The following MYBPC1 variants were observed in gnomAD, a reference collection of about 807,000 sequenced individuals.
MYBPC1 encodes myosin binding protein C1, also known as myosin-binding protein C, slow-type.
Under a neutral mutation model 147.1 loss-of-function variants are expected in MYBPC1, and 52 were observed. The ratio of observed to expected loss-of-function variants is 0.35; its 90% CI spans 0.28 to 0.45. The LOEUF (loss-of-function observed/expected upper bound fraction) is 0.45, where lower values mean the gene tolerates loss of function less well. MYBPC1 is among the 20% of genes least tolerant of loss of function. The pLI is 1.00. For missense variants in MYBPC1, 1,228 were observed against 1,440.3 expected, an observed-to-expected ratio of 0.85 and a Z score of 2.39; for synonymous variants, 477 against 475.9, an observed-to-expected ratio of 1.00 and a Z score of -0.03.
At chr12:101,645,400 G>A (rs1593864658) in intron 12 of MYBPC1, among the ~76,000 whole-genome samples, 1 of 152,330 alleles carries the variant, frequency 6.6e-6, no homozygotes, top group South Asian at 2.1e-4. Flanking sequence ...GGTATCTCCA[G>A]TCTATTATAA....
At chr12:101,676,547 G>A (rs1900031706) in intron 26 of MYBPC1, among the ~76,000 whole-genome samples, 1 of 152,136 alleles carries the variant, frequency 6.6e-6, no homozygotes, top group Non-Finnish European at 1.5e-5. Flanking sequence ...TTGAGCCCAG[G>A]AGTTTGAGAC....
chr12:101,633,996 A>C (rs1040289470), intron 8 of MYBPC1, among the ~76,000 whole-genome samples: 2 of 150,996 alleles, frequency 1.3e-5, no homozygotes, highest in South Asian at 2.1e-4. Context: ...TCCCGGGTTC[A>C]CGCCATTCTC....
intron 3 of MYBPC1, among the ~76,000 whole-genome samples, chr12:101,625,533 C>A (rs1888389652): frequency 6.6e-6 from 1 of 152,202 alleles, no homozygotes; most frequent in East Asian, 1.9e-4. Context: ...ACACCAGCAT[C>A]ATCTGTTACT....
At chr12:101,612,357 C>T (rs944531575) in intron 1 of MYBPC1, among the ~76,000 whole-genome samples, 1 of 152,076 alleles carries the variant, frequency 6.6e-6, no homozygotes. Flanking sequence ...GGATTCAGAC[C>T]TAAGTCTGAC....
chr12:101,595,753 A>G (rs1209839290), intron 1 of MYBPC1, among the ~76,000 whole-genome samples: 1 of 152,138 alleles, frequency 6.6e-6, no homozygotes, highest in African/African-American at 2.4e-5. Context: ...ATTTCATAAT[A>G]TGTAGTAGGC....
At chr12:101,639,968 G>A (rs1430266374) in intron 10 of MYBPC1, among the ~76,000 whole-genome samples, 1 of 152,006 alleles carries the variant, frequency 6.6e-6, no homozygotes, top group Non-Finnish European at 1.5e-5. Context: ...TCTAGATTGA[G>A]GGAACACCCC....
At chr12:101,646,573 A>T in intron 12 of MYBPC1, 190 bp from the exon 13 acceptor site, 1 of 620,602 alleles carries the variant, frequency 1.6e-6, no homozygotes, top group Non-Finnish European at 2.8e-6. Flanking sequence ...CAGGAGGTCG[A>T]GGCTCCAATT....
intron 1 of MYBPC1, among the ~76,000 whole-genome samples, chr12:101,608,333 T>G (rs779242440): frequency 6.6e-6 from 1 of 152,254 alleles, no homozygotes; most frequent in Non-Finnish European, 1.5e-5. Flanking sequence ...AAAAGTATCC[T>G]TGTTTTTCCT....
At chr12:101,636,794 G>A in intron 10 of MYBPC1, 66 bp downstream of exon 10, 1 of 1,364,466 alleles carries the variant, frequency 7.3e-7, no homozygotes, top group Non-Finnish European at 1.0e-6. Context: ...ACTCAGAGAA[G>A]TCAAGTTTAA....
intron 18 of MYBPC1, among the ~76,000 whole-genome samples, chr12:101,654,664 T>C (rs1189307778): frequency 6.6e-6 from 1 of 152,118 alleles, no homozygotes; most frequent in East Asian, 1.9e-4. Flanking sequence ...TCAGTGCACA[T>C]TTATGAGGAA....
intron 16 of MYBPC1, 132 bp from the exon 17 acceptor site, chr12:101,652,546 T>TCTC: frequency 1.7e-6 from 1 of 573,288 alleles, no homozygotes; most frequent in Non-Finnish European, 3.3e-6. Context: ...CTCTCTCTCT[T>TCTC]TCTCTCTCTC....
At chr12:101,677,014 A>T (rs1900153253) in intron 26 of MYBPC1, among the ~76,000 whole-genome samples, 1 of 152,266 alleles carries the variant, frequency 6.6e-6, no homozygotes, top group South Asian at 2.1e-4. Flanking sequence ...AATGAAGATT[A>T]AATTACATAG....
chr12:101,599,646 T>C (rs1879010433), intron 1 of MYBPC1, among the ~76,000 whole-genome samples: 1 of 152,146 alleles, frequency 6.6e-6, no homozygotes, highest in South Asian at 2.1e-4. Context: ...TTACCTCAAA[T>C]TGGGGAAAGG....
intron 1 of MYBPC1, among the ~76,000 whole-genome samples, chr12:101,601,635 G>A (rs1396535253): frequency 6.6e-6 from 1 of 152,042 alleles, no homozygotes; most frequent in East Asian, 1.9e-4. Flanking sequence ...ACTCCCTTAG[G>A]AATCCTTTTT....
chr12:101,661,243 C>T lies in MYBPC1; in HGVS notation c.2013C>T (p.Asp671=), dbSNP rs149779416. Residue 671 remains aspartate (D), a synonymous_variant, in exon 20 of 32, where the codon GAC becomes GAT. Transcript: ENST00000361466. ...TGAACTGGGAGCCTCCTGCCTACGA[C>T]GGAGGCTCTCCAATCCTAGGTAACT... ...CIMNWEPPAY[D]GGSPILGYFI... is the part of the protein sequence containing the mutation. The T allele has an allele frequency of 6.3e-4, 1,010 of 1,611,874 alleles. 5 individuals carry two copies. In the African/African-American group the frequency reaches 0.011, roughly 18 times the overall value.
rs1222555756 is a variant in MYBPC1, at chr12:101,661,051, A to C, written c.1928-107A>C. ...TCAGTAAACATGGGAAAGTACTCAGAAATAACAGTTTCAATGATTATCACC... is the reference window on the plus strand; with the variant it reads ...TCAGTAAACATGGGAAAGTACTCAGCAATAACAGTTTCAATGATTATCACC... On this transcript the variant is annotated intron_variant, in intron 19 of 31. Coordinates refer to ENST00000361466, the MANE Select transcript of MYBPC1 (RefSeq NM_002465.4). 4 of 725,534 alleles carry C rather than the reference A, an allele frequency of 5.5e-6. No homozygotes were observed. In the East Asian group the frequency reaches 1.1e-4, roughly 20 times the overall value. 44.9% of individuals were successfully genotyped at this position (725,534 alleles called of 1,614,324 possible).
chr12:101,640,168 T>A (rs1241301470), intron 10 of MYBPC1, among the ~76,000 whole-genome samples: 1 of 152,090 alleles, frequency 6.6e-6, no homozygotes, highest in African/African-American at 2.4e-5. Context: ...TGCGCCACCA[T>A]GCCCAGCTAA....
chr12:101,671,685 T>C (rs551140069), intron 24 of MYBPC1, among the ~76,000 whole-genome samples: 1 of 152,264 alleles, frequency 6.6e-6, no homozygotes, highest in Admixed American at 6.5e-5. Context: ...GAGTCAGCCC[T>C]CAAGCCTCCA....
chr12:101,658,288 G>A (rs986163416), intron 18 of MYBPC1, among the ~76,000 whole-genome samples: 1 of 151,864 alleles, frequency 6.6e-6, no homozygotes, highest in African/African-American at 2.4e-5. Flanking sequence ...AAGGAGAAAA[G>A]TAACATGATT....
Sources: allele counts gnomAD v4.1 joint callset (sites outside exome capture counted in the v4.1 genomes callset), GRCh38; gene constraint gnomAD v4.1.1; transcripts MANE v1.5; gene names NCBI Gene and HGNC (gene_info 2026-07-23, HGNC 2026-07-21).